ATG4D: variants seen among roughly 807,000 people sequenced by gnomAD.
ATG4D encodes autophagy related 4D cysteine peptidase.
ATG4D carries 51 observed loss-of-function variants against 55.2 expected under a neutral mutation model. The observed-to-expected ratio is 0.92, with a 90% confidence interval of 0.74 to 1.17. The LOEUF is 1.17. ATG4D is among the 50% of genes most tolerant of loss of function. ATG4D has a pLI of 0.00. For synonymous variants in ATG4D, 268 were observed against 266.2 expected (o/e 1.01, Z -0.07); for missense variants, 635 against 649.6 (o/e 0.98, Z 0.25).
Position 10,544,523 on chromosome 19 carries a change from G to C in ATG4D, c.235+198G>C, listed in dbSNP as rs566585928. Among the ~76,000 whole-genome samples the C allele has an allele frequency of 4.6e-5, 7 of 152,288 alleles. No homozygotes were observed. The South Asian group carries it at 1.2e-3, about 27-fold the overall frequency. On this transcript the variant is annotated intron_variant, in intron 1 of 9. Coordinates refer to ENST00000309469, the MANE Select transcript of ATG4D (RefSeq NM_032885.6). Reference sequence around the variant, plus strand: ...CATTCCCCTGTGTGACCTTGGGCAAGATCCTTTGCTTCCTGGCGCCTCCGT... The same window carrying C: ...CATTCCCCTGTGTGACCTTGGGCAACATCCTTTGCTTCCTGGCGCCTCCGT...
Position 10,546,964 on chromosome 19 carries a change from G to A in ATG4D, c.619G>A (p.Glu207Lys). The change falls in exon 4 of 10, where the codon GAG (glutamate) becomes AAG (lysine). Residue 207 changes from glutamate (E) to lysine (K), a missense_variant. Glu to Lys is a moderately conservative substitution (Grantham distance 56). Coordinates refer to ENST00000309469, the MANE Select transcript of ATG4D (RefSeq NM_032885.6). ...PRWAQGAPEL[E>K]QERRHRQIVS... is the part of the protein sequence containing the mutation. The stretch of plus-strand genomic sequence containing the variant: ...CTGGGCCCAGGGTGCCCCTGAGCTG[G>A]AGCAGGAACGCCGGCACCGGCAGAT... The A allele has an allele frequency of 4.3e-6, 7 of 1,609,598 alleles. No individual in the cohort carries two copies. Among genetic ancestry groups the A allele is most frequent in the Non-Finnish European group, 5.9e-6 (7 of 1,178,378 alleles).
chr19:10,552,410 C>T, intron 9 of ATG4D, 86 bp downstream of exon 9: 5 of 1,490,410 alleles, frequency 3.4e-6, no homozygotes, highest in Non-Finnish European at 3.6e-6. Flanking sequence ...TCGAGTCCAG[C>T]AGAGCTGGGG....
At chr19:10,547,429 C>A (rs1188150383) in intron 5 of ATG4D, among the ~76,000 whole-genome samples, 176 bp downstream of exon 5, 1 of 152,010 alleles carries the variant, frequency 6.6e-6, no homozygotes, top group East Asian at 1.9e-4. Flanking sequence ...GTCTCTCCCT[C>A]TGGAACAAGA....
chr19:10,552,662 G>A (rs1916312682), intron 9 of ATG4D, among the ~76,000 whole-genome samples: 1 of 152,210 alleles, frequency 6.6e-6, no homozygotes, highest in Non-Finnish European at 1.5e-5. Flanking sequence ...CACTGGAAGG[G>A]AAACGCAGGT....
rs1033281668 is a variant in ATG4D, at chr19:10,544,007, C to G, written c.-84C>G. 1.0e-6 allele frequency: 1 copy of G among 977,378 alleles called. No homozygotes were observed. The highest frequency in any genetic ancestry group is 1.3e-6 in the Non-Finnish European group (1 of 759,344). The allele number at this position is 977,378 out of a possible 1,614,324, so 60.5% of individuals were successfully genotyped here. Reference sequence around the variant, plus strand: ...GGCCGAGTAGCGCCTTCCCCGGGCCCCGTGAACCGGCTGCGGGTCGCCCTT... The same window carrying G: ...GGCCGAGTAGCGCCTTCCCCGGGCCGCGTGAACCGGCTGCGGGTCGCCCTT... On this transcript the variant is annotated 5_prime_UTR_variant, in exon 1 of 10. Transcript: ENST00000309469.
At chr19:10,546,166 T>G (rs1226983703) in intron 3 of ATG4D, among the ~76,000 whole-genome samples, 3 of 150,902 alleles carry the variant, frequency 2.0e-5, no homozygotes, top group African/African-American at 7.3e-5. Flanking sequence ...TACAAAAAAA[T>G]TTTAAAAATT....
intron 6 of ATG4D, among the ~76,000 whole-genome samples, chr19:10,549,416 C>T (rs980173529): frequency 6.6e-6 from 1 of 151,848 alleles, no homozygotes; most frequent in African/African-American, 2.4e-5. Context: ...AGCCACCACA[C>T]GGGCCATCCC....
Position 10,544,135 on chromosome 19 carries a change from C to T in ATG4D, c.45C>T (p.Ser15=). Residue 15 remains serine (S), a synonymous_variant, in exon 1 of 10, where the codon AGC becomes AGT. Coordinates refer to ENST00000309469, the MANE Select transcript of ATG4D (RefSeq NM_032885.6). The stretch of plus-strand genomic sequence containing the variant: ...CCGCCGCGCAGTACCGGAGCAGCAG[C>T]CCGGAGGACGCGCGCCGCCGGCCCG... ...SPAAAQYRSS[S]PEDARRRPEA... 8.0e-7 allele frequency: 1 copy of T among 1,243,784 alleles called. No individual in the cohort carries two copies. The highest frequency in any genetic ancestry group is 1.0e-6 in the Non-Finnish European group (1 of 986,662). 77.0% of individuals were successfully genotyped at this position (1,243,784 alleles called of 1,614,324 possible).
chr19:10,544,457 G>C (rs1340257249), intron 1 of ATG4D, 132 bp downstream of exon 1: 2 of 938,596 alleles, frequency 2.1e-6, no homozygotes, highest in Non-Finnish European at 2.9e-6. Context: ...CCGGCCCAGG[G>C]TGGACCTGTG....
intron 5 of ATG4D, among the ~76,000 whole-genome samples, chr19:10,548,254 C>T (rs921412561): frequency 1.3e-5 from 2 of 148,634 alleles, no homozygotes; most frequent in Non-Finnish European, 3.0e-5. Context: ...TATGGTCTCT[C>T]GATCTCCTGA....
intron 9 of ATG4D, 74 bp from the exon 10 acceptor site, chr19:10,552,811 T>C: frequency 6.8e-7 from 1 of 1,470,314 alleles, no homozygotes; most frequent in Non-Finnish European, 9.2e-7. Context: ...GAGAAGCACC[T>C]ACTAAATAAA....
chr19:10,552,805 A>C, intron 9 of ATG4D, 80 bp from the exon 10 acceptor site: 2 of 1,435,232 alleles, frequency 1.4e-6, no homozygotes, highest in Non-Finnish European at 1.9e-6. Context: ...GGTCCTGAGA[A>C]GCACCTACTA....
chr19:10,549,135 T>C (rs1357995065), intron 6 of ATG4D, 101 bp downstream of exon 6: 2 of 1,445,352 alleles, frequency 1.4e-6, no homozygotes, highest in Admixed American at 5.0e-5. Context: ...TCACTTTTTT[T>C]TTTTTGAGAT....
Position 10,548,944 on chromosome 19 carries a change from CCCCACA to C in ATG4D, c.877_882del (p.Pro293_Thr294del). 1 of 1,614,078 alleles carries C rather than the reference CCCCACA, an allele frequency of 6.2e-7. No homozygotes were observed. The highest frequency in any genetic ancestry group is 8.5e-7 in the Non-Finnish European group (1 of 1,180,012). On this transcript the variant is annotated inframe_deletion, in exon 6 of 10. Coordinates refer to ENST00000309469, the MANE Select transcript of ATG4D (RefSeq NM_032885.6). Reference sequence around the variant, plus strand: ...TGGCACGCCTGGTGGCCAGGCCAGACCCCACAGCCGAGTGGAAGTCTGTGGTCATCC... The same window carrying C: ...TGGCACGCCTGGTGGCCAGGCCAGACGCCGAGTGGAAGTCTGTGGTCATCC...
In ATG4D at chr19:10,553,187, C is replaced by T; in HGVS notation, c.*120C>T. 8.1e-7 allele frequency: 1 copy of T among 1,242,000 alleles called. No individual in the cohort carries two copies. Among genetic ancestry groups the T allele is most frequent in the Non-Finnish European group, 1.1e-6 (1 of 916,050 alleles). 76.9% of individuals were successfully genotyped at this position (1,242,000 alleles called of 1,614,324 possible). A position where few individuals can be genotyped will look rare whatever the true frequency, so the allele number is the denominator to read the frequency against. ...CTTCCTGTTGTCAGCCCCTCAAGCC[C>T]AGCTGCAACCAGTCTGGGGCCATTC... On this transcript the variant is annotated 3_prime_UTR_variant, in exon 10 of 10. Coordinates refer to ENST00000309469, the MANE Select transcript of ATG4D (RefSeq NM_032885.6).
At chr19:10,547,315 A>T in intron 5 of ATG4D, 62 bp downstream of exon 5, 1 of 1,568,488 alleles carries the variant, frequency 6.4e-7, no homozygotes, top group Non-Finnish European at 8.7e-7. Context: ...GCCTTACCCG[A>T]TTCTTAGAGT....
intron 5 of ATG4D, among the ~76,000 whole-genome samples, chr19:10,547,967 G>C (rs1916094376): frequency 7.1e-6 from 1 of 140,074 alleles, no homozygotes; most frequent in Admixed American, 7.4e-5. Flanking sequence ...AAAGTGCTGG[G>C]ATTACAAGCT....
At chr19:10,549,615 G>A (rs988859532) in intron 6 of ATG4D, among the ~76,000 whole-genome samples, 3 of 151,010 alleles carry the variant, frequency 2.0e-5, no homozygotes, top group Non-Finnish European at 3.0e-5. Context: ...ACGGGGTTTC[G>A]CCATGTTGGC....
Position 10,546,870 on chromosome 19 carries a change from C to T in ATG4D, c.525C>T (p.Gly175=), listed in dbSNP as rs1461332429. Residue 175 remains glycine, a synonymous_variant, in exon 4 of 10, where the codon GGC becomes GGT. Coordinates refer to ENST00000309469, the MANE Select transcript of ATG4D (RefSeq NM_032885.6). ...CATGGGCCGAGGGCATGGGCCTGGGCCCCCCTGAGCTGTCAGGGTCAGCCT... is the reference window on the plus strand; with the variant it reads ...CATGGGCCGAGGGCATGGGCCTGGGTCCCCCTGAGCTGTCAGGGTCAGCCT... ...DWTWAEGMGL[G]PPELSGSASP... is the part of the protein sequence containing the mutation. 1.9e-6 allele frequency: 3 copies of T among 1,602,256 alleles called. No individual in the cohort carries two copies. The highest frequency in any genetic ancestry group is 2.2e-5 in the South Asian group (2 of 90,324).
Sources: gnomAD v4.1 joint callset for allele counts (sites outside exome capture counted in the v4.1 genomes callset) on GRCh38, gnomAD v4.1.1 for gene constraint, MANE v1.5 for transcripts, NCBI Gene and HGNC (gene_info 2026-07-23, HGNC 2026-07-21) for gene names.